The following KCNQ1 variants were observed in gnomAD, a reference collection of about 807,000 sequenced individuals.
The protein encoded by KCNQ1 is potassium voltage-gated channel subfamily KQT member 1.
In KCNQ1, 49 loss-of-function variants were observed where a neutral mutation model predicts 72.4. That is an observed-to-expected ratio of 0.68 (90% CI 0.54 to 0.86). The LOEUF is 0.86. Among genes scored for constraint, KCNQ1 ranks in the 40% least tolerant of loss-of-function variants. The pLI is 0.00. For missense variants in KCNQ1, 790 were observed against 945.1 expected, an observed-to-expected ratio of 0.84 and a Z score of 2.15; for synonymous variants, 450 against 412.6, an observed-to-expected ratio of 1.09 and a Z score of -1.10.
rs143129694 is a variant in KCNQ1, at chr11:2,711,444, C to T, written c.1514+49363C>T. Among the ~76,000 whole-genome samples, 394 of 152,278 alleles carry T rather than the reference C, an allele frequency of 2.6e-3. No individual in the cohort carries two copies. Among genetic ancestry groups the T allele is most frequent in the African/African-American group, 8.7e-3 (360 of 41,546 alleles). On this transcript the variant is annotated intron_variant, in intron 11 of 15. Transcript: ENST00000155840. The surrounding 1 kb of genome is among the most constrained non-coding windows in gnomAD (Gnocchi z 5.4). ...TCTCTCTCCTCCCTTTTCTGTGAGC[C>T]GTCATGAAACACCTCCTGTGGGCTT...
At position 2,620,213 on chromosome 11, in the gene KCNQ1, T is replaced by TATATATA. The variant is rs1305943444; in HGVS notation, c.1393+31359_1393+31360insATATATA. On this transcript the variant is annotated intron_variant, in intron 10 of 15. Transcript: ENST00000155840. The surrounding 1 kb of genome is among the most constrained non-coding windows in gnomAD (Gnocchi z 4.5). ...AGTTCATTCATGTATATATATATAT[T>TATATATA]TTTTTTTTTTATTTTTTTTTTAGAC... 41 of 247,294 alleles carry TATATATA rather than the reference T, an allele frequency of 1.7e-4. No individual in the cohort carries two copies. The highest frequency in any genetic ancestry group is 5.0e-4 in the African/African-American group (17 of 33,832). 15.3% of individuals were successfully genotyped at this position (247,294 alleles called of 1,614,324 possible).
intron 11 of KCNQ1, chr11:2,696,750 T>A (rs915351021): frequency 5.0e-6 from 2 of 398,596 alleles, no homozygotes; most frequent in Admixed American, 8.8e-5. Flanking sequence ...AGTTTTAAAA[T>A]TTTTTCCATA....
At chr11:2,585,348 A>G in intron 8 of KCNQ1, 41 bp downstream of exon 8, 2 of 1,562,426 alleles carry the variant, frequency 1.3e-6, no homozygotes, top group South Asian at 1.1e-5. Flanking sequence ...CATTTTGGTC[A>G]CTGTTATTGT....
chr11:2,833,569 G>A (rs1166571454), intron 15 of KCNQ1, among the ~76,000 whole-genome samples: 1 of 152,234 alleles, frequency 6.6e-6, no homozygotes, highest in Admixed American at 6.5e-5. Flanking sequence ...GCCAGCAACC[G>A]TGTCACTGGG....
In KCNQ1 at chr11:2,592,626, A is replaced by G. The variant is rs1158958474; in HGVS notation, c.1393+3772A>G. Among the ~76,000 whole-genome samples, 1 of 152,182 alleles carries G rather than the reference A, an allele frequency of 6.6e-6. No homozygotes were observed. The highest frequency in any genetic ancestry group is 1.5e-5 in the Non-Finnish European group (1 of 68,026). On this transcript the variant is annotated intron_variant, in intron 10 of 15. Coordinates refer to ENST00000155840, the MANE Select transcript of KCNQ1 (RefSeq NM_000218.3). The surrounding 1 kb of genome is among the most constrained non-coding windows in gnomAD (Gnocchi z 5.2). ...GTCACAGACTCCTCATGAAGGATGC[A>G]TGGGGACCCAACCGCATGCCACTTG... is the stretch of plus-strand genomic sequence containing the variant.
chr11:2,668,666 G>A lies in KCNQ1; in HGVS notation c.1514+6585G>A. On this transcript the variant is annotated intron_variant, in intron 11 of 15. Transcript: ENST00000155840. The surrounding 1 kb of genome is among the most constrained non-coding windows in gnomAD (Gnocchi z 4.3). ...CCTATATATCTTTAGATATTCTGGA[G>A]TCATTTGTCAGAGAGAGAGATACAC... is the stretch of plus-strand genomic sequence containing the variant. 1 of 398,534 alleles carries A rather than the reference G, an allele frequency of 2.5e-6. No individual in the cohort carries two copies. The highest frequency in any genetic ancestry group is 6.3e-4 in the Middle Eastern group (1 of 1,588). The allele number at this position is 398,534 out of a possible 1,614,324, so 24.7% of individuals were successfully genotyped here.
rs559163798 is a variant in KCNQ1, at chr11:2,740,674, C to T, written c.1515-28170C>T. 9.2e-5 allele frequency among the ~76,000 whole-genome samples: 14 copies of T among 152,350 alleles called. No individual in the cohort carries two copies. The South Asian group carries it at 2.7e-3, about 29-fold the overall frequency. On this transcript the variant is annotated intron_variant, in intron 11 of 15. Coordinates refer to ENST00000155840, the MANE Select transcript of KCNQ1 (RefSeq NM_000218.3). ...AAGGTGTCCTCAGGGCTGGTCCCTT[C>T]TGGAGGCTCTAGGGAGAGTCCCTGT...
At chr11:2,591,806 G>A (rs1223612095) in intron 10 of KCNQ1, among the ~76,000 whole-genome samples, 3 of 152,240 alleles carry the variant, frequency 2.0e-5, no homozygotes, top group Admixed American at 2.0e-4. Context: ...TTCCTAACTT[G>A]ATAAGTCAGC....
chr11:2,743,209 G>A (rs764592212), intron 11 of KCNQ1, among the ~76,000 whole-genome samples: 41 of 152,032 alleles, frequency 2.7e-4, no homozygotes, highest in Non-Finnish European at 5.1e-4. Context: ...TGAGCCCACC[G>A]CCCACCTAGA....
At chr11:2,573,320 G>T (rs1249464330) in intron 6 of KCNQ1, among the ~76,000 whole-genome samples, 1 of 152,110 alleles carries the variant, frequency 6.6e-6, no homozygotes, top group African/African-American at 2.4e-5. Flanking sequence ...ATCGTCCTAG[G>T]TTGCCCATTC....
chr11:2,817,799 C>A lies in KCNQ1; in HGVS notation c.1795-29968C>A, dbSNP rs889952999. ...AGAGACATGATATCCCCTTGGGCTG[C>A]AACTTAAATTCCAAGGAGAGATCCT... is the stretch of plus-strand genomic sequence containing the variant. On this transcript the variant is annotated intron_variant, in intron 15 of 15. Coordinates refer to ENST00000155840, the MANE Select transcript of KCNQ1 (RefSeq NM_000218.3). The surrounding 1 kb of genome is among the most constrained non-coding windows in gnomAD (Gnocchi z 6.1). Among the ~76,000 whole-genome samples, 4 of 152,108 alleles carry A rather than the reference C, an allele frequency of 2.6e-5. No homozygotes were observed. The highest frequency in any genetic ancestry group is 4.8e-5 in the African/African-American group (2 of 41,404).
intron 1 of KCNQ1, among the ~76,000 whole-genome samples, chr11:2,506,096 C>T (rs149263904): frequency 3.6e-4 from 55 of 152,346 alleles, no homozygotes; most frequent in African/African-American, 1.2e-3. Flanking sequence ...ACGTTTACTG[C>T]GGCACTGTTC....
intron 11 of KCNQ1, chr11:2,689,524 C>A (rs1226365571): frequency 2.5e-6 from 1 of 398,512 alleles, no homozygotes; most frequent in East Asian, 3.6e-5. Context: ...TGGTCCCTGT[C>A]CCAGCATGAA....
chr11:2,707,248 G>A (rs1193944758), intron 11 of KCNQ1, among the ~76,000 whole-genome samples: 1 of 152,204 alleles, frequency 6.6e-6, no homozygotes, highest in Non-Finnish European at 1.5e-5. Flanking sequence ...TTATCCCTGG[G>A]TCTTGGGGAC....
chr11:2,606,104 C>A (rs978517700), intron 10 of KCNQ1, among the ~76,000 whole-genome samples: 1 of 152,042 alleles, frequency 6.6e-6, no homozygotes, highest in African/African-American at 2.4e-5. Flanking sequence ...TAGGTAAATT[C>A]GCACTGTTGT....
In KCNQ1 at chr11:2,691,888, G is replaced by T. The variant is rs1850594492; in HGVS notation, c.1514+29807G>T. The T allele has an allele frequency of 2.5e-6, 1 of 398,628 alleles. No individual in the cohort carries two copies. Among genetic ancestry groups the T allele is most frequent in the African/African-American group, 2.1e-5 (1 of 48,616 alleles). 24.7% of individuals were successfully genotyped at this position (398,628 alleles called of 1,614,324 possible). A position where few individuals can be genotyped will look rare whatever the true frequency, so the allele number is the denominator to read the frequency against. On this transcript the variant is annotated intron_variant, in intron 11 of 15. Coordinates refer to ENST00000155840, the MANE Select transcript of KCNQ1 (RefSeq NM_000218.3). The surrounding 1 kb of genome is among the most constrained non-coding windows in gnomAD (Gnocchi z 6.4). ...TCCCTCCAGTTCTCCTGGCTTTCTT[G>T]CCATCTTTCTGGCTCTATCCTCAGT...
At position 2,826,465 on chromosome 11, in the gene KCNQ1, C is replaced by T. The variant is rs1253864318; in HGVS notation, c.1795-21302C>T. Among the ~76,000 whole-genome samples, 1 of 152,244 alleles carries T rather than the reference C, an allele frequency of 6.6e-6. No individual in the cohort carries two copies. The highest frequency in any genetic ancestry group is 1.5e-5 in the Non-Finnish European group (1 of 68,044). ...CCGTGCGGTTCCGCGCAGACAGTCA[C>T]GGAAACTCAGGCAGACCCGGCGTTG... On this transcript the variant is annotated intron_variant, in intron 15 of 15. Coordinates refer to ENST00000155840, the MANE Select transcript of KCNQ1 (RefSeq NM_000218.3). The surrounding 1 kb of genome is among the most constrained non-coding windows in gnomAD (Gnocchi z 4.2).
rs1323373641 is a variant in KCNQ1, at chr11:2,750,689, T to C, written c.1515-18155T>C. On this transcript the variant is annotated intron_variant, in intron 11 of 15. Transcript: ENST00000155840. This position sits in a 1 kb window ranked among gnomAD's most constrained non-coding sequence, Gnocchi z 6.3. The stretch of plus-strand genomic sequence containing the variant: ...TCTCTCCCTTGTTTTAATCAACCAG[T>C]TCCCAATAAGTCATTTCAGTCAGGC... Among the ~76,000 whole-genome samples, 1 of 152,188 alleles carries C rather than the reference T, an allele frequency of 6.6e-6. No homozygotes were observed. The highest frequency in any genetic ancestry group is 1.5e-5 in the Non-Finnish European group (1 of 68,018).
At chr11:2,739,747 G>C (rs1846020168) in intron 11 of KCNQ1, among the ~76,000 whole-genome samples, 1 of 152,262 alleles carries the variant, frequency 6.6e-6, no homozygotes, top group African/African-American at 2.4e-5. Flanking sequence ...TGCCGGCCCT[G>C]TCAGTATGGT....
Sources: allele counts gnomAD v4.1 joint callset (sites outside exome capture counted in the v4.1 genomes callset), GRCh38; gene constraint gnomAD v4.1.1; non-coding constraint Gnocchi (gnomAD v3.1); transcripts MANE v1.5; gene names NCBI Gene and HGNC (gene_info 2026-07-23, HGNC 2026-07-21).